PRKD1: variants seen among roughly 807,000 people sequenced by gnomAD.
The protein encoded by PRKD1 is serine/threonine-protein kinase D1.
Under a neutral mutation model 95.9 loss-of-function variants are expected in PRKD1, and 63 were observed. The observed-to-expected ratio is 0.66, with a 90% CI of 0.54 to 0.81. The LOEUF is 0.81. Ranked by LOEUF, PRKD1 falls within the 30% of genes least tolerant of loss-of-function variation. The pLI is 0.00. For missense variants in PRKD1, 1,048 were observed against 1,165.3 expected (o/e 0.90, Z 1.47); for synonymous variants, 425 against 423.1 (o/e 1.00, Z -0.05).
At chr14:29,587,472 A>G (rs1256145342) in intron 16 of PRKD1, among the ~76,000 whole-genome samples, 21 of 152,224 alleles carry the variant, frequency 1.4e-4, no homozygotes, top group Admixed American at 1.2e-3. Flanking sequence ...TCAGAAGTGA[A>G]ACTAACTTTG....
At chr14:29,674,904 G>A (rs1002553729) in intron 2 of PRKD1, among the ~76,000 whole-genome samples, 7 of 152,156 alleles carry the variant, frequency 4.6e-5, no homozygotes, top group African/African-American at 1.7e-4. Flanking sequence ...TTTACTTCAG[G>A]TTGCTTTAAG....
rs1880238331 is a variant in PRKD1 at position 29,634,495 on chromosome 14, C to T, written c.1237G>A (p.Val413Ile). 2 of 1,613,976 alleles carry T rather than the reference C, an allele frequency of 1.2e-6. No homozygotes were observed. The highest frequency in any genetic ancestry group is 1.7e-5 in the Admixed American group (1 of 59,994). ...CTGCTTTTCCTCTTCGTGTGTTTGA[C>T]AGACTGCACTACCCTCATGAGTGGG... is the stretch of plus-strand genomic sequence containing the variant. ...NIPLMRVVQSVKHTKRKSSTV... is the reference protein window; with the variant it reads ...NIPLMRVVQSIKHTKRKSSTV... Residue 413 changes from valine (V) to isoleucine (I), a missense_variant, in exon 8 of 18, where the codon GTC (valine) becomes ATC (isoleucine). Physicochemically the swap from Val to Ile is conservative, Grantham distance 29. This residue lies in a region of PRKD1 where 739 missense variants were observed against 861.9 expected (regional missense o/e 0.86). Transcript: ENST00000331968.
rs1566461658 is a variant in PRKD1 at position 29,577,465 on chromosome 14, G to C, written c.2521-9C>G. On this transcript the variant is annotated splice_polypyrimidine_tract_variant and intron_variant, in intron 17 of 17. Coordinates refer to ENST00000331968, the MANE Select transcript of PRKD1 (RefSeq NM_002742.3). ...AACCAGGTCTGATAGTCCTGAAGAA[G>C]AAATTCCAAAATATTACCATAGAGA... 1.2e-6 allele frequency: 2 copies of C among 1,610,018 alleles called. No homozygotes were observed. Among genetic ancestry groups the C allele is most frequent in the South Asian group, 1.1e-5 (1 of 91,000 alleles).
intron 2 of PRKD1, among the ~76,000 whole-genome samples, chr14:29,666,868 C>G (rs1481508752): frequency 6.6e-6 from 1 of 152,096 alleles, no homozygotes; most frequent in African/African-American, 2.4e-5. Flanking sequence ...GAGAAATACA[C>G]CTTAATCAAC....
chr14:29,885,185 G>A (rs919064771), intron 1 of PRKD1, among the ~76,000 whole-genome samples: 5 of 151,634 alleles, frequency 3.3e-5, no homozygotes, highest in Admixed American at 1.3e-4. Context: ...CAGGGATTGC[G>A]TGGGGGACCT....
intron 13 of PRKD1, among the ~76,000 whole-genome samples, chr14:29,618,231 T>C (rs1879001063): frequency 6.6e-6 from 1 of 151,954 alleles, no homozygotes; most frequent in Non-Finnish European, 1.5e-5. Flanking sequence ...ATGGAAATTT[T>C]ATGAAATAAG....
At chr14:29,860,474 G>A (rs1312402451) in intron 1 of PRKD1, among the ~76,000 whole-genome samples, 1 of 151,954 alleles carries the variant, frequency 6.6e-6, no homozygotes, top group Admixed American at 6.5e-5. Context: ...GCTACTCAGA[G>A]TTGCTGCAAT....
chr14:29,578,989 T>C (rs547963740), intron 16 of PRKD1, among the ~76,000 whole-genome samples: 39 of 152,172 alleles, frequency 2.6e-4, no homozygotes, highest in African/African-American at 8.7e-4. Flanking sequence ...TCAGCCTTCA[T>C]AGACTTTCTA....
rs537034159 is a variant in PRKD1 at position 29,745,437 on chromosome 14, A to G, written c.265-19763T>C. ...AATAAGTCACAACGTGAGCTGTTTT[A>G]TCTCACAAAGTATTAAGGGAATTAG... On this transcript the variant is annotated intron_variant, in intron 1 of 17. Coordinates refer to ENST00000331968, the MANE Select transcript of PRKD1 (RefSeq NM_002742.3). Among the ~76,000 whole-genome samples, 6 of 152,286 alleles carry G rather than the reference A, an allele frequency of 3.9e-5. No individual in the cohort carries two copies. In the East Asian group the frequency reaches 1.2e-3, roughly 29 times the overall value.
At chr14:29,711,891 T>G (rs1487124470) in intron 2 of PRKD1, among the ~76,000 whole-genome samples, 1 of 152,184 alleles carries the variant, frequency 6.6e-6, no homozygotes, top group Non-Finnish European at 1.5e-5. Flanking sequence ...TGGTCAGTTC[T>G]CACAAATATA....
intron 2 of PRKD1, among the ~76,000 whole-genome samples, chr14:29,684,818 T>C (rs533998160): frequency 6.6e-6 from 1 of 152,212 alleles, no homozygotes; most frequent in African/African-American, 2.4e-5. Context: ...CCTGCAGTTA[T>C]CACATCCCTG....
intron 1 of PRKD1, among the ~76,000 whole-genome samples, chr14:29,819,782 G>C (rs549542700): frequency 6.6e-6 from 1 of 152,308 alleles, no homozygotes; most frequent in South Asian, 2.1e-4. Context: ...GTAAAAGCTA[G>C]AGGAATGTTC....
intron 4 of PRKD1, among the ~76,000 whole-genome samples, chr14:29,654,386 C>A (rs1286366489): frequency 6.6e-6 from 1 of 152,088 alleles, no homozygotes; most frequent in Non-Finnish European, 1.5e-5. Context: ...GTTGACCAGG[C>A]TGGTCTCGAA....
chr14:29,732,388 A>C (rs1886484400), intron 1 of PRKD1, among the ~76,000 whole-genome samples: 1 of 152,044 alleles, frequency 6.6e-6, no homozygotes, highest in Non-Finnish European at 1.5e-5. Flanking sequence ...CAATGACCTT[A>C]AAGCTGTATA....
At chr14:29,905,911 A>G (rs1296199252) in intron 1 of PRKD1, among the ~76,000 whole-genome samples, 1 of 152,234 alleles carries the variant, frequency 6.6e-6, no homozygotes, top group African/African-American at 2.4e-5. Flanking sequence ...AAGTCAACTC[A>G]TGAGTATCCC....
At chr14:29,821,780 TGGCAATTCTA>T (rs1274357534) in intron 1 of PRKD1, among the ~76,000 whole-genome samples, 1 of 152,152 alleles carries the variant, frequency 6.6e-6, no homozygotes, top group East Asian at 1.9e-4. Flanking sequence ...GATTGCAACA[TGGCAATTCTA>T]GGCAATTCTG....
intron 1 of PRKD1, among the ~76,000 whole-genome samples, chr14:29,890,909 T>C (rs539074557): frequency 3.2e-4 from 48 of 152,304 alleles, no homozygotes; most frequent in South Asian, 3.1e-3. Flanking sequence ...TAATGTTCCA[T>C]ATGATTTTGA....
At chr14:29,625,945 C>A (rs1879589235) in intron 12 of PRKD1, among the ~76,000 whole-genome samples, 3 of 151,710 alleles carry the variant, frequency 2.0e-5, no homozygotes, top group South Asian at 4.2e-4. Context: ...TGGCTGGAAT[C>A]TAAAATAGCA....
chr14:29,696,449 G>A (rs1196582628), intron 2 of PRKD1, among the ~76,000 whole-genome samples: 1 of 152,076 alleles, frequency 6.6e-6, no homozygotes, highest in African/African-American at 2.4e-5. Flanking sequence ...TGATTCCTAT[G>A]TTTCACATTT....
Sources: allele counts gnomAD v4.1 joint callset (sites outside exome capture counted in the v4.1 genomes callset), GRCh38; gene constraint gnomAD v4.1.1; regional missense constraint gnomAD v4.1.1; transcripts MANE v1.5; gene names NCBI Gene and HGNC (gene_info 2026-07-23, HGNC 2026-07-21).